Variants in NAALADL2 observed in about 807,000 individuals in gnomAD.
NAALADL2 encodes inactive N-acetylated-alpha-linked acidic dipeptidase-like protein 2.
In NAALADL2, 76 loss-of-function variants were observed where a neutral mutation model predicts 87.2. That is an observed-to-expected ratio of 0.87 (90% CI 0.72 to 1.05). The LOEUF (loss-of-function observed/expected upper bound fraction) is 1.05. Among genes scored for constraint, NAALADL2 ranks in the 50% least tolerant of loss-of-function variants. The pLI, the probability that NAALADL2 is intolerant of heterozygous loss-of-function variation, is 0.00. For synonymous variants in NAALADL2, 354 were observed against 331.0 expected, an observed-to-expected ratio of 1.07 and a Z score of -0.75; for missense variants, 1,089 against 945.8, an observed-to-expected ratio of 1.15 and a Z score of -1.99.
chr3:175,421,843 C>T (rs945471560), intron 5 of NAALADL2, among the ~76,000 whole-genome samples: 8 of 152,022 alleles, frequency 5.3e-5, no homozygotes, highest in African/African-American at 1.9e-4. Context: ...GAGAAGATAA[C>T]ATTAAGAAAG....
intron 1 of NAALADL2, among the ~76,000 whole-genome samples, chr3:174,878,021 T>A (rs915682681): frequency 6.6e-6 from 1 of 152,088 alleles, no homozygotes; most frequent in Non-Finnish European, 1.5e-5. Flanking sequence ...TCTATGTATA[T>A]ATTTGGCAGA....
intron 4 of NAALADL2, among the ~76,000 whole-genome samples, chr3:175,312,384 T>C (rs1029044556): frequency 6.6e-6 from 1 of 152,172 alleles, no homozygotes; most frequent in Non-Finnish European, 1.5e-5. Context: ...ATCTAAAATG[T>C]CCCAATCTAT....
intron 1 of NAALADL2, among the ~76,000 whole-genome samples, chr3:175,068,654 T>C (rs1425129468): frequency 6.6e-6 from 1 of 152,110 alleles, no homozygotes; most frequent in Non-Finnish European, 1.5e-5. Flanking sequence ...GTGAAAAATT[T>C]AGCATCAAAG....
intron 9 of NAALADL2, among the ~76,000 whole-genome samples, chr3:175,495,984 C>A (rs1189427899): frequency 6.6e-6 from 1 of 152,072 alleles, no homozygotes; most frequent in Admixed American, 6.6e-5. Context: ...CATGATGTAA[C>A]CTAATTCATC....
At chr3:175,251,818 T>C (rs371548903) in intron 3 of NAALADL2, among the ~76,000 whole-genome samples, 10 of 152,190 alleles carry the variant, frequency 6.6e-5, no homozygotes, top group African/African-American at 2.4e-4. Context: ...TTGAAGGCAA[T>C]GGATACATTT....
intron 3 of NAALADL2, chr3:175,235,634 G>A (rs996656292): frequency 6.6e-6 from 1 of 152,208 alleles, no homozygotes; most frequent in Non-Finnish European, 1.5e-5. Flanking sequence ...CTCTGTCTAA[G>A]CCATACGCAT....
At chr3:175,512,893 A>G (rs1337367590) in intron 9 of NAALADL2, among the ~76,000 whole-genome samples, 8 of 152,160 alleles carry the variant, frequency 5.3e-5, no homozygotes, top group African/African-American at 1.7e-4. Context: ...CATTCTTTCA[A>G]ATTCAGAGTT....
intron 2 of NAALADL2, among the ~76,000 whole-genome samples, chr3:175,226,061 G>A (rs1744107710): frequency 6.6e-6 from 1 of 152,068 alleles, no homozygotes; most frequent in Non-Finnish European, 1.5e-5. Context: ...ATCAATTAAA[G>A]TATTTGTTGA....
intron 5 of NAALADL2, among the ~76,000 whole-genome samples, chr3:175,325,013 C>T (rs1183358617): frequency 6.6e-6 from 1 of 151,590 alleles, no homozygotes; most frequent in Non-Finnish European, 1.5e-5. Flanking sequence ...ATATTCTGTT[C>T]ATTCAACCTG....
Position 175,004,232 on chromosome 3 carries a change from A to G in NAALADL2, c.44-92558A>G, listed in dbSNP as rs116019976. Among the ~76,000 whole-genome samples, 1,193 of 152,008 alleles carry G rather than the reference A, an allele frequency of 7.8e-3. 5 individuals are homozygous for G. The highest frequency in any genetic ancestry group is 0.012 in the Non-Finnish European group (837 of 67,918). On this transcript the variant is annotated intron_variant, in intron 1 of 13. Transcript: ENST00000454872. The stretch of plus-strand genomic sequence containing the variant: ...CTATTAAAAATAAGTAAGTAAGTAA[A>G]TAAATAAATAAATAATTAGCTGGGT...
rs1414011608 is a variant in NAALADL2, at chr3:175,803,148, T to G, written c.2333T>G (p.Val778Gly). Residue 778 changes from valine (V) to glycine (G), a missense_variant, in exon 14 of 14, where the codon GTT becomes GGT. By Grantham distance (109) the Val-to-Gly change is moderately radical. Coordinates refer to ENST00000454872, the MANE Select transcript of NAALADL2 (RefSeq NM_207015.3). The part of the protein sequence containing the change: ...EVLNSINSAQ[V>G]YFKAGLDVFK... ...TTGAACAGCATTAATTCAGCTCAGGTTTACTTCAAAGCAGGACTTGATGTG... is the reference window on the plus strand; with the variant it reads ...TTGAACAGCATTAATTCAGCTCAGGGTTACTTCAAAGCAGGACTTGATGTG... 1 of 1,612,234 alleles carries G rather than the reference T, an allele frequency of 6.2e-7. No individual in the cohort carries two copies. Among genetic ancestry groups the G allele is most frequent in the East Asian group, 2.2e-5 (1 of 44,818 alleles).
chr3:174,970,984 C>T (rs1295676538), intron 1 of NAALADL2, among the ~76,000 whole-genome samples: 2 of 152,118 alleles, frequency 1.3e-5, no homozygotes, highest in African/African-American at 4.8e-5. Context: ...ACTTACAGGT[C>T]CACATGGCTG....
chr3:174,799,677 A>G (rs1324327962), intron 3 of NAALADL2, among the ~76,000 whole-genome samples: 1 of 152,204 alleles, frequency 6.6e-6, no homozygotes, highest in Non-Finnish European at 1.5e-5. Flanking sequence ...GTGCCGCAGA[A>G]AAGATACCCA....
At chr3:174,774,793 G>T (rs1715011732) in intron 3 of NAALADL2, among the ~76,000 whole-genome samples, 1 of 152,164 alleles carries the variant, frequency 6.6e-6, no homozygotes, top group African/African-American at 2.4e-5. Flanking sequence ...AAAAGTAATA[G>T]AAATGTAAAC....
chr3:174,791,812 G>T (rs1220031908), intron 3 of NAALADL2, among the ~76,000 whole-genome samples: 1 of 152,104 alleles, frequency 6.6e-6, no homozygotes, highest in Non-Finnish European at 1.5e-5. Flanking sequence ...ATTACTGTAA[G>T]CTCCATAGAG....
At chr3:175,228,411 A>T (rs1326179971) in intron 2 of NAALADL2, among the ~76,000 whole-genome samples, 1 of 151,938 alleles carries the variant, frequency 6.6e-6, no homozygotes, top group African/African-American at 2.4e-5. Context: ...TAATTTGTTA[A>T]TAGATATTCT....
At chr3:175,119,141 TAA>T (rs945780561) in intron 2 of NAALADL2, among the ~76,000 whole-genome samples, 5 of 151,558 alleles carry the variant, frequency 3.3e-5, no homozygotes, top group African/African-American at 1.2e-4. Flanking sequence ...TTAAAATACC[TAA>T]GTTAGATTTA....
At position 175,677,477 on chromosome 3, in the gene NAALADL2, G is replaced by GT. The variant is rs1560961265; in HGVS notation, c.1896+50091_1896+50092insT. On this transcript the variant is annotated intron_variant, in intron 11 of 13. Coordinates refer to ENST00000454872, the MANE Select transcript of NAALADL2 (RefSeq NM_207015.3). ...TTGGTGGCTGATAAATAGTATAATG[G>GT]GGTGTGTGTGTGTGTGTGTGTGTGT... Among the ~76,000 whole-genome samples, 20 of 128,342 alleles carry GT rather than the reference G, an allele frequency of 1.6e-4. No individual in the cohort carries two copies. In the South Asian group the frequency reaches 1.7e-3, roughly 11 times the overall value. The allele number at this position is 128,342 out of a possible 152,430, so 84.2% of individuals were successfully genotyped here.
At chr3:174,529,155 A>T (rs1721022417) in intron 1 of NAALADL2, among the ~76,000 whole-genome samples, 1 of 152,250 alleles carries the variant, frequency 6.6e-6, no homozygotes, top group Non-Finnish European at 1.5e-5. Flanking sequence ...GGAGTATAAG[A>T]ATGAGGTAAA....
Sources: allele counts gnomAD v4.1 joint callset (sites outside exome capture counted in the v4.1 genomes callset), GRCh38; gene constraint gnomAD v4.1.1; transcripts MANE v1.5; gene names NCBI Gene and HGNC (gene_info 2026-07-23, HGNC 2026-07-21).